KANK1: variants seen among roughly 807,000 people sequenced by gnomAD.
KANK1 encodes KN motif and ankyrin repeat domains 1, also known as KN motif and ankyrin repeat domain-containing protein 1.
Under a neutral mutation model 106.2 loss-of-function variants are expected in KANK1, and 109 were observed. The observed-to-expected ratio is 1.03, with a 90% CI of 0.88 to 1.20. KANK1 has a LOEUF of 1.20. Ranked by LOEUF, KANK1 falls within the 50% of genes most tolerant of loss-of-function variation. The pLI, the probability that KANK1 is intolerant of heterozygous loss-of-function variation, is 0.00. For synonymous variants in KANK1, 873 were observed against 652.2 expected, an observed-to-expected ratio of 1.34 and a Z score of -5.16; for missense variants, 2,399 against 1,710.7, an observed-to-expected ratio of 1.40 and a Z score of -7.10.
At chr9:548,420 C>T (rs1199564912) in intron 1 of KANK1, among the ~76,000 whole-genome samples, 2 of 152,152 alleles carry the variant, frequency 1.3e-5, no homozygotes, top group Non-Finnish European at 1.5e-5. Context: ...TTGGTACTTA[C>T]TTCTTTGGCT....
chr9:700,170 G>C (rs1276100608), intron 2 of KANK1, among the ~76,000 whole-genome samples: 2 of 152,220 alleles, frequency 1.3e-5, no homozygotes, highest in Non-Finnish European at 2.9e-5. Flanking sequence ...GGAGGGAAAA[G>C]AGCAGGCTTA....
intron 3 of KANK1, among the ~76,000 whole-genome samples, chr9:483,869 A>G (rs947861640): frequency 1.1e-4 from 16 of 152,210 alleles, no homozygotes; most frequent in Non-Finnish European, 1.8e-4. Flanking sequence ...ATGTGAAGTA[A>G]CTGGGATAAG....
rs553321959 is a variant in KANK1 at position 686,705 on chromosome 9, G to T, written c.37+9696G>T. On this transcript the variant is annotated intron_variant, in intron 2 of 11. Coordinates refer to ENST00000382297, the MANE Select transcript of KANK1 (RefSeq NM_015158.5). ...CTGTTTGGCAGTGTGAGGGGAAATG[G>T]CAGCATCACGTCATAAGTGCAATGA... 94 of 945,790 alleles carry T rather than the reference G, an allele frequency of 9.9e-5. 1 individual carries two copies. In the African/African-American group the frequency reaches 1.6e-3, roughly 16 times the overall value. 58.6% of individuals were successfully genotyped at this position (945,790 alleles called of 1,614,324 possible).
intron 1 of KANK1, among the ~76,000 whole-genome samples, chr9:601,364 T>C (rs558502250): frequency 6.6e-6 from 1 of 152,016 alleles, no homozygotes; most frequent in Admixed American, 6.5e-5. Flanking sequence ...AAGATCCACA[T>C]TGTATTGAGT....
At position 742,418 on chromosome 9, in the gene KANK1, C is replaced by T; in HGVS notation, c.3897+13C>T. 5 of 1,600,704 alleles carry T rather than the reference C, an allele frequency of 3.1e-6. No homozygotes were observed. Among genetic ancestry groups the T allele is most frequent in the Non-Finnish European group, 4.3e-6 (5 of 1,171,266 alleles). On this transcript the variant is annotated intron_variant, in intron 10 of 11. Coordinates refer to ENST00000382297, the MANE Select transcript of KANK1 (RefSeq NM_015158.5). ...CCTAGAGGACAACGTAAGCTGTCTCCATTGGGCCTCCTGGCCAGGGGTCTG... is the reference window on the plus strand; with the variant it reads ...CCTAGAGGACAACGTAAGCTGTCTCTATTGGGCCTCCTGGCCAGGGGTCTG...
intron 1 of KANK1, among the ~76,000 whole-genome samples, chr9:553,393 A>G (rs969950641): frequency 2.0e-5 from 3 of 152,144 alleles, no homozygotes; most frequent in Admixed American, 6.6e-5. Flanking sequence ...GATGAGGGGT[A>G]TACTGTGATT....
At chr9:636,644 G>A (rs941400840) in intron 1 of KANK1, among the ~76,000 whole-genome samples, 1 of 152,186 alleles carries the variant, frequency 6.6e-6, no homozygotes, top group African/African-American at 2.4e-5. Context: ...AAGGCAGGCG[G>A]ATCACGAGGT....
At chr9:590,535 T>G (rs1824592964) in intron 1 of KANK1, among the ~76,000 whole-genome samples, 1 of 152,188 alleles carries the variant, frequency 6.6e-6, no homozygotes, top group Admixed American at 6.5e-5. Flanking sequence ...TCATGCAGTA[T>G]GTAGTGACTG....
chr9:577,078 A>G (rs553016757), intron 1 of KANK1, among the ~76,000 whole-genome samples: 1 of 152,298 alleles, frequency 6.6e-6, no homozygotes, highest in South Asian at 2.1e-4. Flanking sequence ...GCAGTGTTAC[A>G]GGTCATGAAG....
intron 1 of KANK1, among the ~76,000 whole-genome samples, chr9:527,981 A>G (rs112216953): frequency 0.012 from 1,827 of 151,780 alleles, 40 homozygotes; most frequent in African/African-American, 0.041. Context: ...AATACAAAAA[A>G]TTAGCCAGGC....
intron 1 of KANK1, among the ~76,000 whole-genome samples, chr9:582,865 A>T (rs1822519890): frequency 6.6e-6 from 1 of 152,222 alleles, no homozygotes; most frequent in African/African-American, 2.4e-5. Flanking sequence ...GTTACTATAG[A>T]CGTCACTAAC....
chr9:743,105 G>A (rs1327491901), intron 10 of KANK1, among the ~76,000 whole-genome samples: 1 of 152,200 alleles, frequency 6.6e-6, no homozygotes, highest in African/African-American at 2.4e-5. Flanking sequence ...GAACTGGCAT[G>A]TAGGCAGTGA....
chr9:563,779 C>T (rs902089787), intron 1 of KANK1, among the ~76,000 whole-genome samples: 8 of 152,116 alleles, frequency 5.3e-5, no homozygotes, highest in South Asian at 4.1e-4. Flanking sequence ...GGACCACTGA[C>T]GCAGCAAATT....
chr9:543,916 T>G (rs2060769255), intron 1 of KANK1, among the ~76,000 whole-genome samples: 1 of 152,220 alleles, frequency 6.6e-6, no homozygotes, highest in South Asian at 2.1e-4. Flanking sequence ...TTAATCCTGA[T>G]AATTTCTCAG....
At chr9:659,463 A>G (rs1396497293) in intron 1 of KANK1, among the ~76,000 whole-genome samples, 1 of 152,186 alleles carries the variant, frequency 6.6e-6, no homozygotes, top group Non-Finnish European at 1.5e-5. Context: ...ATAAGTTCCC[A>G]GAAAATAATG....
intron 3 of KANK1, among the ~76,000 whole-genome samples, chr9:487,418 G>C (rs753572199): frequency 5.9e-5 from 9 of 152,178 alleles, no homozygotes; most frequent in African/African-American, 1.2e-4. Flanking sequence ...AGGTAGGCTA[G>C]GCTAAGCTAT....
At chr9:525,553 T>G (rs2059752616) in intron 1 of KANK1, among the ~76,000 whole-genome samples, 1 of 150,894 alleles carries the variant, frequency 6.6e-6, no homozygotes, top group Non-Finnish European at 1.5e-5. Context: ...CTAATTTTTG[T>G]ATTTTTTTAG....
intron 1 of KANK1, among the ~76,000 whole-genome samples, chr9:517,991 G>C (rs182215786): frequency 1.3e-5 from 2 of 151,636 alleles, no homozygotes; most frequent in South Asian, 4.1e-4. Context: ...ACCTGCCTCA[G>C]CCTTCCAGAG....
chr9:540,377 G>T (rs949390613), intron 1 of KANK1: 1 of 152,140 alleles, frequency 6.6e-6, no homozygotes, highest in Non-Finnish European at 1.5e-5. Flanking sequence ...GCATCCCAGG[G>T]ATAAATCCCA....
Sources: gnomAD v4.1 joint callset for allele counts (sites outside exome capture counted in the v4.1 genomes callset) on GRCh38, gnomAD v4.1.1 for gene constraint, MANE v1.5 for transcripts, NCBI Gene and HGNC (gene_info 2026-07-23, HGNC 2026-07-21) for gene names.